Variants in IL1RAPL2 observed in about 807,000 individuals in gnomAD.
IL1RAPL2 encodes the protein X-linked interleukin-1 receptor accessory protein-like 2.
In IL1RAPL2, 3 loss-of-function variants were observed where a neutral mutation model predicts 44.1. The observed-to-expected ratio is 0.07, with a 90% CI of 0.03 to 0.18. The LOEUF is 0.18. Ranked by LOEUF, IL1RAPL2 falls within the 10% of genes least tolerant of loss-of-function variation. The probability of loss-of-function intolerance (pLI) is 1.00; values close to 1 mark genes in which losing one functional copy is unlikely to be tolerated. For missense variants in IL1RAPL2, 391 were observed against 496.4 expected (o/e 0.79, Z 2.02); for synonymous variants, 181 against 178.8 (o/e 1.01, Z -0.10).
chrX:104,685,000 AGAAT>A (rs1298561143), intron 2 of IL1RAPL2, among the ~76,000 whole-genome samples: 2 of 112,351 alleles, frequency 1.8e-5, no homozygotes, highest in African/African-American at 6.5e-5. Context: ...TAAAGTGAGC[AGAAT>A]GAGGGAGCAG....
At chrX:105,628,199 T>C (rs1044710577) in intron 6 of IL1RAPL2, among the ~76,000 whole-genome samples, 100 of 111,761 alleles carry the variant, frequency 8.9e-4, no homozygotes, top group African/African-American at 3.0e-3. Flanking sequence ...TATTATACTT[T>C]AAGTTTTAGG....
At chrX:104,579,816 A>G (rs1196772276) in intron 1 of IL1RAPL2, among the ~76,000 whole-genome samples, 1 of 111,748 alleles carries the variant, frequency 8.9e-6, no homozygotes, top group Non-Finnish European at 1.9e-5. Context: ...AAACAGAACA[A>G]TCTACTGGGG....
At chrX:104,737,728 G>A (rs1055784350) in intron 2 of IL1RAPL2, among the ~76,000 whole-genome samples, 4 of 111,865 alleles carry the variant, frequency 3.6e-5, no homozygotes, top group Non-Finnish European at 7.5e-5. Flanking sequence ...AAGGTGAGAA[G>A]TATTTTATTA....
intron 6 of IL1RAPL2, among the ~76,000 whole-genome samples, chrX:105,488,613 A>T (rs1235059108): frequency 8.9e-6 from 1 of 112,561 alleles, no homozygotes; most frequent in African/African-American, 3.2e-5. Context: ...CAGTTTATCT[A>T]GAGCATTATT....
chrX:105,590,492 T>A (rs764549521), intron 6 of IL1RAPL2, among the ~76,000 whole-genome samples: 68 of 111,797 alleles, frequency 6.1e-4, no homozygotes, highest in African/African-American at 2.1e-3. Flanking sequence ...TTCAATATGA[T>A]GTTGGCTATG....
At chrX:104,937,880 C>T (rs903082396) in intron 2 of IL1RAPL2, among the ~76,000 whole-genome samples, 1 of 112,342 alleles carries the variant, frequency 8.9e-6, no homozygotes, top group Admixed American at 9.5e-5. Context: ...GACATCTTTA[C>T]ATTTAGCTGC....
chrX:105,076,468 T>G (rs982657460), intron 2 of IL1RAPL2, among the ~76,000 whole-genome samples: 2 of 111,703 alleles, frequency 1.8e-5, no homozygotes, highest in African/African-American at 6.5e-5. Flanking sequence ...TCCAACTATG[T>G]GTTCAATTTT....
intron 2 of IL1RAPL2, among the ~76,000 whole-genome samples, chrX:104,741,463 C>T (rs1007156521): frequency 1.9e-4 from 21 of 110,481 alleles, no homozygotes; most frequent in Non-Finnish European, 3.4e-4. Context: ...TTAATGGTAT[C>T]GTAAATTTTT....
intron 6 of IL1RAPL2, among the ~76,000 whole-genome samples, chrX:105,503,243 A>C (rs1191845203): frequency 9.0e-6 from 1 of 111,475 alleles, no homozygotes; most frequent in Admixed American, 9.6e-5. Context: ...CCATAAGTCA[A>C]AGCAATCTCT....
At chrX:104,570,552 C>T (rs1004755367) in intron 1 of IL1RAPL2, among the ~76,000 whole-genome samples, 3 of 111,540 alleles carry the variant, frequency 2.7e-5, no homozygotes, top group South Asian at 3.8e-4. Flanking sequence ...AATGTAAGGC[C>T]TGATGCAAGG....
intron 2 of IL1RAPL2, among the ~76,000 whole-genome samples, chrX:104,870,053 A>G (rs1922720587): frequency 1.8e-5 from 2 of 112,200 alleles, no homozygotes; most frequent in Admixed American, 1.9e-4. Flanking sequence ...TGGTTTTTCC[A>G]CTATCACTAC....
Position 104,899,831 on chromosome X carries a change from A to T in IL1RAPL2, c.82+240836A>T, listed in dbSNP as rs754651085. Among the ~76,000 whole-genome samples the T allele has an allele frequency of 1.3e-3, 149 of 111,932 alleles. 1 individual carries two copies. Among genetic ancestry groups the T allele is most frequent in the African/African-American group, 4.6e-3 (142 of 30,816 alleles). ...ACTGTGTTCAAGAATATTTAATATA[A>T]CTACTACAGCCTAAATTAATCTATC... On this transcript the variant is annotated intron_variant, in intron 2 of 10. Coordinates refer to ENST00000372582, the MANE Select transcript of IL1RAPL2 (RefSeq NM_017416.2).
intron 2 of IL1RAPL2, among the ~76,000 whole-genome samples, chrX:105,044,511 T>G (rs1206983897): frequency 9.0e-6 from 1 of 111,269 alleles, no homozygotes; most frequent in African/African-American, 3.3e-5. Flanking sequence ...CTGACTCAGC[T>G]GACCTTGGGA....
chrX:105,307,971 G>T (rs1370404488), intron 5 of IL1RAPL2, among the ~76,000 whole-genome samples: 1 of 108,991 alleles, frequency 9.2e-6, no homozygotes, highest in East Asian at 2.9e-4. Flanking sequence ...TGGAACTTTT[G>T]TTCATTTCAA....
chrX:104,800,372 A>T lies in IL1RAPL2; in HGVS notation c.82+141377A>T, dbSNP rs988671552. ...CCTATCATGCCAGGTATTTAAAAAA[A>T]AAACTAAAGAAATAGCTGGTTTATG... On this transcript the variant is annotated intron_variant, in intron 2 of 10. Coordinates refer to ENST00000372582, the MANE Select transcript of IL1RAPL2 (RefSeq NM_017416.2). 6.3e-5 allele frequency among the ~76,000 whole-genome samples: 7 copies of T among 111,597 alleles called. No homozygotes were observed. In the Admixed American group the frequency reaches 6.7e-4, roughly 11 times the overall value.
At chrX:104,932,893 A>C (rs911896762) in intron 2 of IL1RAPL2, among the ~76,000 whole-genome samples, 1 of 112,115 alleles carries the variant, frequency 8.9e-6, no homozygotes, top group African/African-American at 3.2e-5. Context: ...TTCCATTGGC[A>C]CAGCCCTAGA....
At chrX:105,514,313 C>A (rs972159353) in intron 6 of IL1RAPL2, among the ~76,000 whole-genome samples, 7 of 111,026 alleles carry the variant, frequency 6.3e-5, no homozygotes, top group Non-Finnish European at 1.3e-4. Context: ...GCAGCATGAT[C>A]CAATGTAATC....
Position 104,669,000 on chromosome X carries a change from C to T in IL1RAPL2, c.82+10005C>T, listed in dbSNP as rs73523341. On this transcript the variant is annotated intron_variant, in intron 2 of 10. Coordinates refer to ENST00000372582, the MANE Select transcript of IL1RAPL2 (RefSeq NM_017416.2). Reference sequence around the variant, plus strand: ...GAAGGTGACTGTGAGGCATAGCTCTCGTTACTTTTCAAGTAGTTCTTCAAA... The same window carrying T: ...GAAGGTGACTGTGAGGCATAGCTCTTGTTACTTTTCAAGTAGTTCTTCAAA... Among the ~76,000 whole-genome samples, 326 of 111,383 alleles carry T rather than the reference C, an allele frequency of 2.9e-3. 2 individuals carry two copies. Among genetic ancestry groups the T allele is most frequent in the African/African-American group, 0.01 (308 of 30,724 alleles).
intron 2 of IL1RAPL2, among the ~76,000 whole-genome samples, chrX:104,938,287 C>T (rs1426908120): frequency 8.9e-6 from 1 of 112,036 alleles, no homozygotes; most frequent in African/African-American, 3.2e-5. Flanking sequence ...TTGGCAAAGA[C>T]GTTACTGCTT....
Sources: gnomAD v4.1 joint callset for allele counts (sites outside exome capture counted in the v4.1 genomes callset) on GRCh38, gnomAD v4.1.1 for gene constraint, MANE v1.5 for transcripts, NCBI Gene and HGNC (gene_info 2026-07-23, HGNC 2026-07-21) for gene names.